The following OR1L6 variants were observed in gnomAD, a reference collection of about 807,000 sequenced individuals.
OR1L6 encodes olfactory receptor 1L6.
A neutral mutation model predicts 3.0 loss-of-function variants in OR1L6; 2 were observed. That is an observed-to-expected ratio of 0.68 (90% CI 0.28 to 2.13). OR1L6 has a LOEUF of 2.13. Ranked by LOEUF, OR1L6 falls within the 30% of genes most tolerant of loss-of-function variation. The pLI is 0.14. For synonymous variants in OR1L6, 121 were observed against 148.4 expected, an observed-to-expected ratio of 0.82 and a Z score of 1.34; for missense variants, 304 against 378.4, an observed-to-expected ratio of 0.80 and a Z score of 1.63.
intron 1 of OR1L6, among the ~76,000 whole-genome samples, chr9:122,744,317 C>T (rs1358921588): frequency 6.6e-6 from 1 of 152,076 alleles, no homozygotes; most frequent in Non-Finnish European, 1.5e-5. Flanking sequence ...ATGTGTACTC[C>T]CCGGTTTCAT....
chr9:122,750,097 G>C lies in OR1L6; in HGVS notation c.250G>C (p.Val84Leu), dbSNP rs1348264157. Residue 84 changes from valine (V) to leucine (L), a missense_variant, in exon 2 of 2, where the codon GTG (valine) becomes CTG (leucine). Physicochemically the swap from Val to Leu is conservative, Grantham distance 32. Around this residue, in one of 3 missense-constraint regions of OR1L6, gnomAD observed 192 missense variants for 242.7 expected, o/e 0.79. Coordinates refer to ENST00000304720, the MANE Select transcript of OR1L6 (RefSeq NM_001004453.3). ...AACAGTCATAGTGCCTAAGATGCTG[G>C]TGAATTTTCTATCAGAGACAAAGGT... Reference protein sequence around the residue: ...FTTVIVPKMLVNFLSETKVIS... With the variant: ...FTTVIVPKMLLNFLSETKVIS... 3.7e-6 allele frequency: 6 copies of C among 1,613,926 alleles called. No individual in the cohort carries two copies. In the African/African-American group the frequency reaches 6.7e-5, roughly 18 times the overall value.
In OR1L6 at chr9:122,749,794, C is replaced by T. The variant is rs1033299211; in HGVS notation, c.-13-41C>T. ...GAAAGAAGCTGTCTTGGTCAAACTG[C>T]CCTTTACATCTCTCCCACTGCTTCT... is the stretch of plus-strand genomic sequence containing the variant. On this transcript the variant is annotated intron_variant, in intron 1 of 1. Transcript: ENST00000304720. 8.3e-6 allele frequency: 13 copies of T among 1,566,920 alleles called. No homozygotes were observed. In the African/African-American group the frequency reaches 1.2e-4, roughly 15 times the overall value.
chr9:122,746,487 A>T (rs1828838591), intron 1 of OR1L6, among the ~76,000 whole-genome samples: 1 of 152,046 alleles, frequency 6.6e-6, no homozygotes, highest in African/African-American at 2.4e-5. Context: ...ATTTGTGAAT[A>T]CTCTGTTTCC....
At position 122,750,276 on chromosome 9, in the gene OR1L6, G is replaced by A. The variant is rs762429672; in HGVS notation, c.429G>A (p.Leu143=). The change falls in exon 2 of 2, where the codon CTG becomes CTA. Residue 143 remains leucine (L), a synonymous_variant. Transcript: ENST00000304720. ...YDVVMKPRHC[L]LMLLGSCSIS... ...TGGTTATGAAACCACGGCATTGCCTGCTCATGCTATTGGGTTCTTGCAGCA... is the reference window on the plus strand; with the variant it reads ...TGGTTATGAAACCACGGCATTGCCTACTCATGCTATTGGGTTCTTGCAGCA... 18 of 1,613,872 alleles carry A rather than the reference G, an allele frequency of 1.1e-5. No homozygotes were observed. The highest frequency in any genetic ancestry group is 8.9e-5 in the East Asian group (4 of 44,884).
intron 1 of OR1L6, 42 bp from the exon 2 acceptor site, chr9:122,749,793 G>A: frequency 6.4e-7 from 1 of 1,563,874 alleles, no homozygotes; most frequent in African/African-American, 1.4e-5. Context: ...TGGTCAAACT[G>A]CCCTTTACAT....
chr9:122,748,451 A>T (rs10733659), intron 1 of OR1L6, among the ~76,000 whole-genome samples: 139,187 of 152,020 alleles, frequency 0.92, 64,065 homozygotes, highest in East Asian at 1. Flanking sequence ...CTAAAAAGAA[A>T]CTTCAGAAAG....
intron 1 of OR1L6, among the ~76,000 whole-genome samples, chr9:122,745,574 A>G (rs942557433): frequency 9.2e-5 from 14 of 151,612 alleles, no homozygotes; most frequent in Admixed American, 3.3e-4. Flanking sequence ...CACAACGCCC[A>G]GCTAAGTTTT....
chr9:122,747,918 C>T (rs1328761477), intron 1 of OR1L6, among the ~76,000 whole-genome samples: 5 of 152,064 alleles, frequency 3.3e-5, no homozygotes, highest in Non-Finnish European at 7.4e-5. Context: ...AGGAGCCATC[C>T]TTTTCTGCTC....
At chr9:122,749,703 G>C (rs371448040) in intron 1 of OR1L6, 132 bp from the exon 2 acceptor site, 2 of 873,872 alleles carry the variant, frequency 2.3e-6, no homozygotes, top group Admixed American at 4.1e-5. Flanking sequence ...CCGAGACTCC[G>C]TCTCAAAGAA....
chr9:122,744,842 T>C (rs1290765587), intron 1 of OR1L6, among the ~76,000 whole-genome samples: 9 of 152,166 alleles, frequency 5.9e-5, no homozygotes, highest in Admixed American at 3.3e-4. Flanking sequence ...GGAAGTGAAA[T>C]GACTTGCCCG....
intron 1 of OR1L6, among the ~76,000 whole-genome samples, chr9:122,747,643 C>T (rs534405673): frequency 6.6e-6 from 1 of 152,062 alleles, no homozygotes; most frequent in Non-Finnish European, 1.5e-5. Flanking sequence ...CTCAGGTTTA[C>T]TCCTAAGTAT....
At chr9:122,744,441 C>G (rs1006487644) in intron 1 of OR1L6, among the ~76,000 whole-genome samples, 1 of 150,554 alleles carries the variant, frequency 6.6e-6, no homozygotes, top group Non-Finnish European at 1.5e-5. Flanking sequence ...AGAGAAGGAC[C>G]CTGCATAAGT....
intron 1 of OR1L6, among the ~76,000 whole-genome samples, chr9:122,749,033 A>T (rs1391129947): frequency 6.6e-6 from 1 of 152,192 alleles, no homozygotes; most frequent in African/African-American, 2.4e-5. Flanking sequence ...TATTGTGAAC[A>T]GTGCTGCAAT....
At chr9:122,744,164 A>G (rs1258814910) in intron 1 of OR1L6, among the ~76,000 whole-genome samples, 2 of 152,188 alleles carry the variant, frequency 1.3e-5, no homozygotes, top group Non-Finnish European at 2.9e-5. Flanking sequence ...TGTCTAATAA[A>G]TGTTAGCTGC....
At chr9:122,746,826 C>A (rs1311459468) in intron 1 of OR1L6, among the ~76,000 whole-genome samples, 3 of 152,122 alleles carry the variant, frequency 2.0e-5, no homozygotes, top group African/African-American at 7.2e-5. Flanking sequence ...TGCTGATCAT[C>A]TTGTCATACA....
intron 1 of OR1L6, 75 bp from the exon 2 acceptor site, chr9:122,749,760 T>C (rs772425575): frequency 6.7e-6 from 9 of 1,345,310 alleles, no homozygotes; most frequent in Admixed American, 1.7e-5. Context: ...TTTACAGGCT[T>C]AAGCTTATGA....
At chr9:122,749,626 T>C in intron 1 of OR1L6, 1 of 608,200 alleles carries the variant, frequency 1.6e-6, no homozygotes, top group South Asian at 2.0e-5. Context: ...GAAAATGGCA[T>C]GAACCCGAGA....
intron 1 of OR1L6, among the ~76,000 whole-genome samples, chr9:122,742,997 A>G (rs912107943): frequency 2.6e-5 from 4 of 152,196 alleles, no homozygotes; most frequent in African/African-American, 9.7e-5. Context: ...GGATGCTAAA[A>G]TGATGAAGGT....
intron 1 of OR1L6, among the ~76,000 whole-genome samples, chr9:122,745,562 A>T (rs7028715): frequency 6.6e-6 from 1 of 151,370 alleles, no homozygotes; most frequent in African/African-American, 2.4e-5. Flanking sequence ...GCAGGCGCCC[A>T]CCACAACGCC....
Sources: gnomAD v4.1 joint callset for allele counts (sites outside exome capture counted in the v4.1 genomes callset) on GRCh38, gnomAD v4.1.1 for gene constraint, gnomAD v4.1.1 regional missense constraint, MANE v1.5 for transcripts, NCBI Gene and HGNC (gene_info 2026-07-23, HGNC 2026-07-21) for gene names.